CPNE8: variants seen among roughly 807,000 people sequenced by gnomAD.
CPNE8 encodes the protein copine 8, also known as copine-8.
CPNE8 carries 45 observed loss-of-function variants against 81.5 expected under a neutral mutation model. The observed-to-expected ratio is 0.55, with a 90% confidence interval of 0.44 to 0.71. The LOEUF (loss-of-function observed/expected upper bound fraction) is 0.71, where lower values mean the gene tolerates loss of function less well. Among genes scored for constraint, CPNE8 ranks in the 30% least tolerant of loss-of-function variants. CPNE8 has a pLI of 0.00. For synonymous variants in CPNE8, 252 were observed against 226.3 expected (o/e 1.11, Z -1.02); for missense variants, 594 against 672.1 (o/e 0.88, Z 1.28).
chr12:38,654,663 T>C (rs990494549), intron 19 of CPNE8, among the ~76,000 whole-genome samples: 2 of 152,194 alleles, frequency 1.3e-5, no homozygotes, highest in Admixed American at 6.5e-5. Context: ...ATAGGCTTAT[T>C]ATGTTGCCAA....
chr12:38,874,136 C>A (rs1364884120), intron 2 of CPNE8, among the ~76,000 whole-genome samples: 1 of 151,798 alleles, frequency 6.6e-6, no homozygotes, highest in African/African-American at 2.4e-5. Flanking sequence ...AAAAAAGAAA[C>A]GTATTACTCT....
chr12:38,895,833 C>A (rs892811845), intron 1 of CPNE8, among the ~76,000 whole-genome samples: 2 of 152,052 alleles, frequency 1.3e-5, no homozygotes, highest in Non-Finnish European at 2.9e-5. Context: ...TATGGAAGAA[C>A]AACATAATAT....
chr12:38,825,702 C>T (rs1312227026), intron 6 of CPNE8, among the ~76,000 whole-genome samples: 1 of 152,224 alleles, frequency 6.6e-6, no homozygotes, highest in Non-Finnish European at 1.5e-5. Flanking sequence ...TTCCTCCAGA[C>T]ATATGCCTCT....
At chr12:38,897,121 C>A (rs1390594901) in intron 1 of CPNE8, among the ~76,000 whole-genome samples, 12 of 152,130 alleles carry the variant, frequency 7.9e-5, no homozygotes, top group Non-Finnish European at 2.9e-5. Context: ...GATTTAAAGA[C>A]ATCTGTCTGA....
chr12:38,870,505 A>G (rs1249338097), intron 3 of CPNE8, among the ~76,000 whole-genome samples: 2 of 152,210 alleles, frequency 1.3e-5, no homozygotes, highest in African/African-American at 4.8e-5. Context: ...ACATGGATGA[A>G]GTTGGAAACC....
At chr12:38,859,401 C>CT (rs1312951583) in intron 3 of CPNE8, among the ~76,000 whole-genome samples, 1 of 151,920 alleles carries the variant, frequency 6.6e-6, no homozygotes, top group Non-Finnish European at 1.5e-5. Flanking sequence ...GTAAAAGACA[C>CT]TGAACACAAA....
intron 1 of CPNE8, among the ~76,000 whole-genome samples, chr12:38,878,279 A>G (rs1029757617): frequency 6.6e-6 from 1 of 152,156 alleles, no homozygotes; most frequent in Non-Finnish European, 1.5e-5. Flanking sequence ...CTTGGGCAAC[A>G]TCCAAGAACC....
intron 18 of CPNE8, among the ~76,000 whole-genome samples, chr12:38,671,261 C>T (rs555266213): frequency 2.6e-5 from 4 of 152,086 alleles, no homozygotes; most frequent in South Asian, 2.1e-4. Flanking sequence ...ATTGAAACTA[C>T]AGCAAAGCCA....
At chr12:38,670,691 T>C (rs762604379) in intron 19 of CPNE8, 38 bp downstream of exon 19, 1 of 1,391,620 alleles carries the variant, frequency 7.2e-7, no homozygotes, top group Non-Finnish European at 1.0e-6. Context: ...AATGATATTT[T>C]CTAGCAATAG....
chr12:38,767,740 TA>T lies in CPNE8; in HGVS notation c.472-3del. The T allele has an allele frequency of 1.3e-6, 2 of 1,526,330 alleles. No individual in the cohort carries two copies. The highest frequency in any genetic ancestry group is 1.8e-6 in the Non-Finnish European group (2 of 1,140,274). 94.5% of individuals were successfully genotyped at this position (1,526,330 alleles called of 1,614,324 possible). On this transcript the variant is annotated splice_region_variant and splice_polypyrimidine_tract_variant and intron_variant, in intron 7 of 19. Transcript: ENST00000331366. Reference sequence around the variant, plus strand: ...ACAAAATTGCATCAAAACGGCATCCTAAAAACAAAATTAATAAAACAGTTCA... The same window carrying T: ...ACAAAATTGCATCAAAACGGCATCCTAAAACAAAATTAATAAAACAGTTCA...
chr12:38,821,374 C>T (rs1943106901), intron 6 of CPNE8, among the ~76,000 whole-genome samples: 1 of 152,058 alleles, frequency 6.6e-6, no homozygotes, highest in African/African-American at 2.4e-5. Flanking sequence ...AAACACAATC[C>T]CTAAAACCTC....
intron 6 of CPNE8, among the ~76,000 whole-genome samples, chr12:38,821,472 T>G (rs1162652175): frequency 2.6e-5 from 4 of 152,208 alleles, no homozygotes; most frequent in Non-Finnish European, 5.9e-5. Flanking sequence ...TTTCCTTTTG[T>G]TTTTCTTTCC....
intron 1 of CPNE8, among the ~76,000 whole-genome samples, chr12:38,878,546 T>C (rs145955269): frequency 6.6e-6 from 1 of 152,196 alleles, no homozygotes; most frequent in Non-Finnish European, 1.5e-5. Flanking sequence ...CAGCCTGCTC[T>C]GATTTTATGC....
intron 1 of CPNE8, among the ~76,000 whole-genome samples, chr12:38,878,396 T>C (rs939113425): frequency 2.0e-5 from 3 of 152,158 alleles, no homozygotes; most frequent in Non-Finnish European, 4.4e-5. Flanking sequence ...AGCAGGAATT[T>C]AGCAACACCT....
chr12:38,851,379 C>T (rs1398542208), intron 3 of CPNE8, among the ~76,000 whole-genome samples: 1 of 152,156 alleles, frequency 6.6e-6, no homozygotes, highest in East Asian at 1.9e-4. Flanking sequence ...ACAAACATCA[C>T]CCTAATACTG....
At chr12:38,815,726 A>G (rs905697350) in intron 6 of CPNE8, among the ~76,000 whole-genome samples, 2 of 152,214 alleles carry the variant, frequency 1.3e-5, no homozygotes, top group Non-Finnish European at 2.9e-5. Context: ...AATTTTTAAC[A>G]TAGTAATTAG....
intron 10 of CPNE8, among the ~76,000 whole-genome samples, chr12:38,751,772 G>C (rs1462820479): frequency 6.6e-6 from 1 of 152,094 alleles, no homozygotes; most frequent in African/African-American, 2.4e-5. Flanking sequence ...TGAAACCTCA[G>C]GTCCACCCAC....
chr12:38,858,528 T>C (rs1302056399), intron 3 of CPNE8, among the ~76,000 whole-genome samples: 1 of 152,204 alleles, frequency 6.6e-6, no homozygotes, highest in Non-Finnish European at 1.5e-5. Flanking sequence ...TAAGGAGCAG[T>C]GTATGCAGAA....
At chr12:38,874,897 A>G (rs1298871898) in intron 1 of CPNE8, among the ~76,000 whole-genome samples, 1 of 152,210 alleles carries the variant, frequency 6.6e-6, no homozygotes. Flanking sequence ...GTTGTTATTA[A>G]TGCAAAATTG....
Sources: gnomAD v4.1 joint callset for allele counts (sites outside exome capture counted in the v4.1 genomes callset) on GRCh38, gnomAD v4.1.1 for gene constraint, MANE v1.5 for transcripts, NCBI Gene and HGNC (gene_info 2026-07-23, HGNC 2026-07-21) for gene names.